Variants in ZNF292 observed in about 807,000 individuals in gnomAD.
ZNF292 encodes 16 zinc-finger domain protein.
A neutral mutation model predicts 217.9 loss-of-function variants in ZNF292; 26 were observed. The observed-to-expected ratio is 0.12, with a 90% CI of 0.09 to 0.17. The LOEUF is 0.17. Among genes scored for constraint, ZNF292 ranks in the 10% least tolerant of loss-of-function variants. The pLI is 1.00. For missense variants in ZNF292, 2,904 were observed against 3,175.2 expected (o/e 0.91, Z 2.05); for synonymous variants, 1,257 against 1,124.1 (o/e 1.12, Z -2.37).
rs755801731 is a variant in ZNF292 at position 87,257,029 on chromosome 6, C to T, written c.3400C>T (p.Arg1134Cys). The T allele has an allele frequency of 5.3e-5, 86 of 1,613,476 alleles. No homozygotes were observed. The highest frequency in any genetic ancestry group is 2.6e-4 in the South Asian group (24 of 91,070). The part of the protein sequence containing the change: ...PDQYAAFKMQ[R>C]KSKKGQKANN... ...CCAATATGCTGCATTTAAAATGCAG[C>T]GCAAAAGTAAAAAAGGTCAGAAAGC... is the stretch of plus-strand genomic sequence containing the variant. The change falls in exon 8 of 8, where the codon CGC becomes TGC. Residue 1134 changes from arginine to cysteine, a missense_variant. By Grantham distance (180) the Arg-to-Cys change is radical. Transcript: ENST00000369577.
intron 1 of ZNF292, among the ~76,000 whole-genome samples, chr6:87,187,124 A>G (rs1341548286): frequency 6.6e-6 from 1 of 152,234 alleles, no homozygotes; most frequent in Non-Finnish European, 1.5e-5. Context: ...TAAGACAAAC[A>G]GTAATCCAAA....
chr6:87,159,000 T>G (rs979647195), intron 1 of ZNF292, among the ~76,000 whole-genome samples: 14 of 152,214 alleles, frequency 9.2e-5, no homozygotes, highest in African/African-American at 3.4e-4. Flanking sequence ...GTGTAACCCT[T>G]AGTTTTGCAT....
At chr6:87,177,887 C>T (rs919811476) in intron 1 of ZNF292, among the ~76,000 whole-genome samples, 2 of 152,200 alleles carry the variant, frequency 1.3e-5, no homozygotes, top group African/African-American at 4.8e-5. Flanking sequence ...ACCTTACATT[C>T]AGGAATATTT....
chr6:87,186,421 G>C (rs1179184948), intron 1 of ZNF292, among the ~76,000 whole-genome samples: 1 of 152,154 alleles, frequency 6.6e-6, no homozygotes, highest in Non-Finnish European at 1.5e-5. Context: ...TCTTTCTCAA[G>C]TAGCTGATGT....
intron 6 of ZNF292, 22 bp from the exon 7 acceptor site, chr6:87,245,481 A>G (rs761606333): frequency 1.0e-5 from 15 of 1,465,974 alleles, no homozygotes; most frequent in Non-Finnish European, 1.3e-5. Flanking sequence ...AACTTTTCTT[A>G]TTATAACTTT....
chr6:87,252,850 GAC>G (rs1343928025), intron 7 of ZNF292, among the ~76,000 whole-genome samples: 2 of 152,066 alleles, frequency 1.3e-5, no homozygotes, highest in Admixed American at 1.3e-4. Flanking sequence ...GAAATCAAGA[GAC>G]ACCCATATGG....
chr6:87,216,175 T>G (rs1772764442), intron 2 of ZNF292, 118 bp downstream of exon 2: 1 of 1,344,866 alleles, frequency 7.4e-7, no homozygotes, highest in Admixed American at 2.2e-5. Flanking sequence ...ATCTCAAGTC[T>G]TATAGTTTAA....
At chr6:87,237,390 C>T (rs1327245262) in intron 5 of ZNF292, among the ~76,000 whole-genome samples, 3 of 152,158 alleles carry the variant, frequency 2.0e-5, no homozygotes, top group East Asian at 1.9e-4. Flanking sequence ...TACAGGTGCA[C>T]GCCGCCATGC....
chr6:87,199,085 C>T (rs1225130558), intron 1 of ZNF292, among the ~76,000 whole-genome samples: 2 of 152,180 alleles, frequency 1.3e-5, no homozygotes, highest in Non-Finnish European at 2.9e-5. Flanking sequence ...AAGAAACTGA[C>T]TATCCAAAGT....
chr6:87,202,531 T>C (rs541909375), intron 1 of ZNF292, among the ~76,000 whole-genome samples: 24 of 152,212 alleles, frequency 1.6e-4, no homozygotes, highest in Non-Finnish European at 2.6e-4. Context: ...CCCTACAGTT[T>C]TGAATAGAAG....
chr6:87,261,006 T>G lies in ZNF292; in HGVS notation c.7377T>G (p.Asn2459Lys). 1 of 1,605,384 alleles carries G rather than the reference T, an allele frequency of 6.2e-7. No homozygotes were observed. Among genetic ancestry groups the G allele is most frequent in the Admixed American group, 1.7e-5 (1 of 58,528 alleles). The change falls in exon 8 of 8, where the codon AAT becomes AAG. Residue 2459 changes from asparagine to lysine, a missense_variant. Physicochemically the swap from Asn to Lys is moderately conservative, Grantham distance 94. Around this residue, in one of 15 missense-constraint regions of ZNF292, gnomAD observed 380 missense variants for 355.3 expected, o/e 1.07. Coordinates refer to ENST00000369577, the MANE Select transcript of ZNF292 (RefSeq NM_015021.3). ...CTGACACGTGTGTATCAGAGAGCAA[T>G]GATAATTCAAGAACAACAGCTACAG... ...KDSDTCVSES[N>K]DNSRTTATVS...
chr6:87,252,034 G>A (rs1774944233), intron 7 of ZNF292, among the ~76,000 whole-genome samples: 1 of 152,028 alleles, frequency 6.6e-6, no homozygotes. Context: ...GCCATTCCTG[G>A]AGAAAAGGCT....
chr6:87,258,145 G>A lies in ZNF292; in HGVS notation c.4516G>A (p.Ala1506Thr), dbSNP rs1412456143. Residue 1506 changes from alanine (A) to threonine (T), a missense_variant, in exon 8 of 8, where the codon GCC becomes ACC. Physicochemically the swap from Ala to Thr is moderately conservative, Grantham distance 58. Transcript: ENST00000369577. ...TGGCATTCCCAGTACATTTGAGGGTGCCGAAATGCTTTCTCATGTTTCAAC... is the reference window on the plus strand; with the variant it reads ...TGGCATTCCCAGTACATTTGAGGGTACCGAAATGCTTTCTCATGTTTCAAC... ...TAGIPSTFEGAEMLSHVSTGC... is the reference protein window; with the variant it reads ...TAGIPSTFEGTEMLSHVSTGC... The A allele has an allele frequency of 1.2e-6, 2 of 1,611,938 alleles. No homozygotes were observed. Among genetic ancestry groups the A allele is most frequent in the South Asian group, 2.2e-5 (2 of 90,768 alleles).
chr6:87,216,941 A>G (rs1002373794), intron 3 of ZNF292, among the ~76,000 whole-genome samples: 1 of 152,050 alleles, frequency 6.6e-6, no homozygotes, highest in East Asian at 1.9e-4. Context: ...TTCTGCTTAT[A>G]TGAGGTACTA....
At chr6:87,238,766 G>T (rs1390091629) in intron 5 of ZNF292, among the ~76,000 whole-genome samples, 1 of 151,514 alleles carries the variant, frequency 6.6e-6, no homozygotes, top group Non-Finnish European at 1.5e-5. Context: ...ATAGTGGAGG[G>T]AAGGTCAGCA....
At chr6:87,197,983 A>G (rs1198258244) in intron 1 of ZNF292, among the ~76,000 whole-genome samples, 1 of 152,188 alleles carries the variant, frequency 6.6e-6, no homozygotes, top group East Asian at 1.9e-4. Flanking sequence ...TAAAAGTAAT[A>G]TGATTTGAAT....
intron 1 of ZNF292, among the ~76,000 whole-genome samples, chr6:87,158,160 G>A (rs984853263): frequency 6.6e-6 from 1 of 152,294 alleles, no homozygotes; most frequent in Admixed American, 6.5e-5. Flanking sequence ...TGAAACAAAT[G>A]CTGGATTTGT....
At chr6:87,226,533 T>C (rs1773350776) in intron 4 of ZNF292, among the ~76,000 whole-genome samples, 1 of 150,944 alleles carries the variant, frequency 6.6e-6, no homozygotes, top group South Asian at 2.1e-4. Context: ...TATTTAATTA[T>C]ATGACCCAAA....
rs995075706 is a variant in ZNF292, at chr6:87,172,648, G to C, written c.168+16889G>C. ...GGACCAGGCATGGTGGCTCATACCT[G>C]TAATCCCAGCACTTTGGGAGGCCAA... On this transcript the variant is annotated intron_variant, in intron 1 of 7. Transcript: ENST00000369577. Among the ~76,000 whole-genome samples, 2 of 152,160 alleles carry C rather than the reference G, an allele frequency of 1.3e-5. 1 individual carries two copies. The highest frequency in any genetic ancestry group is 1.3e-4 in the Admixed American group (2 of 15,274).
Sources: gnomAD v4.1 joint callset for allele counts (sites outside exome capture counted in the v4.1 genomes callset) on GRCh38, gnomAD v4.1.1 for gene constraint, gnomAD v4.1.1 regional missense constraint, MANE v1.5 for transcripts, NCBI Gene and HGNC (gene_info 2026-07-23, HGNC 2026-07-21) for gene names.